The following DSP variants were observed in gnomAD, a reference collection of about 807,000 sequenced individuals.
DSP encodes the protein desmoplakin.
A neutral mutation model predicts 290.6 loss-of-function variants in DSP; 114 were observed. That is an observed-to-expected ratio of 0.39 (90% CI 0.34 to 0.46). DSP has a LOEUF of 0.46. Ranked by LOEUF, DSP falls within the 20% of genes least tolerant of loss-of-function variation. DSP has a pLI of 0.99. For synonymous variants in DSP, 1,311 were observed against 1,316.4 expected, an observed-to-expected ratio of 1.00 and a Z score of 0.09; for missense variants, 3,230 against 3,495.8, an observed-to-expected ratio of 0.92 and a Z score of 1.92.
In DSP at chr6:7,565,430, C is replaced by G. The variant is rs1168993346; in HGVS notation, c.849C>G (p.Ile283Met). The change falls in exon 7 of 24, where the codon ATC becomes ATG. Residue 283 changes from isoleucine to methionine, a missense_variant. Ile to Met is a conservative substitution (Grantham distance 10). This residue lies in a region of DSP where 646 missense variants were observed against 684.3 expected (regional missense o/e 0.94). Transcript: ENST00000379802. This position sits in a 1 kb window ranked among gnomAD's most constrained non-coding sequence, Gnocchi z 4.2. ...TCATTCAGGCCACGTCCAGGGAGAT[C>G]ATGTGGATCAATGACTGCGAGGAGG... ...QNIIQATSRE[I>M]MWINDCEEEE... 1 of 1,614,104 alleles carries G rather than the reference C, an allele frequency of 6.2e-7. No individual in the cohort carries two copies. The highest frequency in any genetic ancestry group is 8.5e-7 in the Non-Finnish European group (1 of 1,180,018).
At chr6:7,545,194 CTG>C (rs1282933113) in intron 1 of DSP, among the ~76,000 whole-genome samples, 6 of 152,160 alleles carry the variant, frequency 3.9e-5, no homozygotes, top group Non-Finnish European at 7.4e-5. Flanking sequence ...GATTTCAAAA[CTG>C]AGATACGTGT....
At chr6:7,571,651 A>G in intron 14 of DSP, 67 bp downstream of exon 14, 10 of 1,599,758 alleles carry the variant, frequency 6.3e-6, no homozygotes, top group Non-Finnish European at 8.6e-6. Context: ...GGGAGTTTGC[A>G]TAAAACTGGT....
At chr6:7,552,683 C>A (rs1403682475) in intron 1 of DSP, among the ~76,000 whole-genome samples, 1 of 134,242 alleles carries the variant, frequency 7.4e-6, no homozygotes. Context: ...TTTTTAAGTT[C>A]AAATATGGGT....
Position 7,566,501 on chromosome 6 carries a change from T to C in DSP, c.1044+20T>C. On this transcript the variant is annotated intron_variant, in intron 8 of 23. Transcript: ENST00000379802. The stretch of plus-strand genomic sequence containing the variant: ...ATTGAGGTAGGCTTCATGAGGTTTA[T>C]ATTTTTGTTAGAAAAAAAAAAACTT... 1.9e-6 allele frequency: 3 copies of C among 1,599,396 alleles called. No individual in the cohort carries two copies. Among genetic ancestry groups the C allele is most frequent in the Non-Finnish European group, 2.6e-6 (3 of 1,168,616 alleles).
At position 7,574,728 on chromosome 6, in the gene DSP, G is replaced by A. The variant is rs1343729760; in HGVS notation, c.2369G>A (p.Arg790Lys). The change falls in exon 17 of 24, where the codon AGG becomes AAG. Residue 790 changes from arginine to lysine, a missense_variant. Arg to Lys is a conservative substitution (Grantham distance 26, BLOSUM62 2). This residue lies in a region of DSP where 1,714 missense variants were observed against 1,844.5 expected (regional missense o/e 0.93). Coordinates refer to ENST00000379802, the MANE Select transcript of DSP (RefSeq NM_004415.4). ...GACATGTTAAAGGTTTATGAAGCCA[G>A]GCTCACTGAGGAGGAAACTGTCTGC... ...TEDMLKVYEA[R>K]LTEEETVCLD... 2 of 1,614,158 alleles carry A rather than the reference G, an allele frequency of 1.2e-6. No homozygotes were observed. Among genetic ancestry groups the A allele is most frequent in the East Asian group, 2.2e-5 (1 of 44,868 alleles).
At chr6:7,549,914 A>G (rs755641560) in intron 1 of DSP, among the ~76,000 whole-genome samples, 8 of 152,188 alleles carry the variant, frequency 5.3e-5, no homozygotes, top group Non-Finnish European at 7.3e-5. Context: ...AAACAAAGAG[A>G]GTAACTCTTC....
In DSP at chr6:7,567,857, A is replaced by G; in HGVS notation, c.1217A>G (p.Asp406Gly). Residue 406 changes from aspartate to glycine, a missense_variant, in exon 10 of 24, where the codon GAC becomes GGC. Transcript: ENST00000379802. Reference protein sequence around the residue: ...QDSIRKKYPCDKNMPLQHLLE... With the variant: ...QDSIRKKYPCGKNMPLQHLLE... The stretch of plus-strand genomic sequence containing the variant: ...TCCATCAGGAAGAAGTACCCCTGCG[A>G]CAAGAACATGCCCCTGCAGCACCTG... 6.2e-7 allele frequency: 1 copy of G among 1,614,116 alleles called. No homozygotes were observed. The highest frequency in any genetic ancestry group is 8.5e-7 in the Non-Finnish European group (1 of 1,179,990).
Position 7,571,456 on chromosome 6 carries a change from G to T in DSP, c.1775G>T (p.Arg592Ile), listed in dbSNP as rs1759048949. The change falls in exon 14 of 24, where the codon AGA becomes ATA. Residue 592 changes from arginine (R) to isoleucine (I), a missense_variant. This residue lies in a region of DSP where 81 missense variants were observed against 130.5 expected (regional missense o/e 0.62). Coordinates refer to ENST00000379802, the MANE Select transcript of DSP (RefSeq NM_004415.4). ...GAGTTACATTACCAAGAGTTCATCA[G>T]AAATAGCCAAGGCTCAGAGATGTTT... ...DLELHYQEFIRNSQGSEMFGD... is the reference protein window; with the variant it reads ...DLELHYQEFIINSQGSEMFGD... The T allele has an allele frequency of 6.2e-7, 1 of 1,614,170 alleles. No individual in the cohort carries two copies. Among genetic ancestry groups the T allele is most frequent in the Non-Finnish European group, 8.5e-7 (1 of 1,180,040 alleles).
At position 7,570,429 on chromosome 6, in the gene DSP, C is replaced by T. The variant is rs1759007586; in HGVS notation, c.1575-8C>T. ...GGCTCTAGCATGTTTTCCCTTTGTG[C>T]CTCTTAGGATTGAGCAGTACTACGA... is the stretch of plus-strand genomic sequence containing the variant. On this transcript the variant is annotated splice_region_variant and splice_polypyrimidine_tract_variant and intron_variant, in intron 12 of 23. Coordinates refer to ENST00000379802, the MANE Select transcript of DSP (RefSeq NM_004415.4). 1 of 1,613,992 alleles carries T rather than the reference C, an allele frequency of 6.2e-7. No homozygotes were observed. Among genetic ancestry groups the T allele is most frequent in the Non-Finnish European group, 8.5e-7 (1 of 1,180,030 alleles).
At chr6:7,550,106 C>T (rs1758291394) in intron 1 of DSP, among the ~76,000 whole-genome samples, 1 of 152,026 alleles carries the variant, frequency 6.6e-6, no homozygotes, top group Admixed American at 6.5e-5. Flanking sequence ...GGTGCAATCT[C>T]GGCTCACTGC....
chr6:7,572,943 G>A (rs764354518), intron 15 of DSP, among the ~76,000 whole-genome samples: 12 of 152,196 alleles, frequency 7.9e-5, no homozygotes, highest in African/African-American at 2.2e-4. Flanking sequence ...TCTAAACGTC[G>A]AAAAGATACA....
chr6:7,541,855 C>G lies in DSP; in HGVS notation c.-61C>G. 4 of 1,545,762 alleles carry G rather than the reference C, an allele frequency of 2.6e-6. No individual in the cohort carries two copies. Among genetic ancestry groups the G allele is most frequent in the Non-Finnish European group, 3.5e-6 (4 of 1,147,130 alleles). ...CTATCCTTGGCCCCCTCCGCTTTCT[C>G]CGCGCCGGCCCGCCTCGCTTATGCC... On this transcript the variant is annotated 5_prime_UTR_variant, in exon 1 of 24. Coordinates refer to ENST00000379802, the MANE Select transcript of DSP (RefSeq NM_004415.4).
Position 7,585,538 on chromosome 6 carries a change from G to A in DSP, c.8276G>A (p.Arg2759His), listed in dbSNP as rs936541705. 1.6e-5 allele frequency: 26 copies of A among 1,614,110 alleles called. No homozygotes were observed. The highest frequency in any genetic ancestry group is 2.0e-5 in the Non-Finnish European group (24 of 1,180,020). Residue 2759 changes from arginine to histidine, a missense_variant, in exon 24 of 24, where the codon CGC becomes CAC. By Grantham distance (29) the Arg-to-His change is conservative. Around this residue, in one of 5 missense-constraint regions of DSP, gnomAD observed 582 missense variants for 555.4 expected, o/e 1.05. Transcript: ENST00000379802. ...EAIRKGFIDG[R>H]AAQRLQDTSS... ...ATCCGGAAGGGGTTCATAGATGGCC[G>A]CGCCGCACAGAGGCTGCAAGACACC...
intron 1 of DSP, among the ~76,000 whole-genome samples, chr6:7,553,645 T>G (rs1393655777): frequency 1.3e-5 from 2 of 152,196 alleles, no homozygotes; most frequent in Non-Finnish European, 2.9e-5. Context: ...CTGCACAAGT[T>G]AGGACAACAA....
intron 2 of DSP, 46 bp downstream of exon 2, chr6:7,555,866 A>G: frequency 6.4e-7 from 1 of 1,566,400 alleles, no homozygotes; most frequent in Non-Finnish European, 8.7e-7. Context: ...CCTTGGCCAC[A>G]CCCGACTGTC....
At chr6:7,550,812 AAAG>A (rs1204668638) in intron 1 of DSP, among the ~76,000 whole-genome samples, 1 of 151,688 alleles carries the variant, frequency 6.6e-6, no homozygotes, top group Non-Finnish European at 1.5e-5. Context: ...TTTTTTTAAA[AAAG>A]CACATGACAT....
chr6:7,581,681 A>AT, intron 23 of DSP, 112 bp downstream of exon 23: 2 of 1,471,324 alleles, frequency 1.4e-6, no homozygotes, highest in Non-Finnish European at 1.8e-6. Context: ...AGAAAATCTA[A>AT]TTTTTCTTTT....
At chr6:7,542,376 T>C (rs1758021591) in intron 1 of DSP, among the ~76,000 whole-genome samples, 1 of 152,082 alleles carries the variant, frequency 6.6e-6, no homozygotes, top group Admixed American at 6.5e-5. Flanking sequence ...GTCCCCTGCC[T>C]GCTGGACACG....
rs780759932 is a variant in DSP, at chr6:7,541,901, C to T, written c.-15C>T. ...ATGCCTCGGCGCTGAGCCGCTCTCC[C>T]GATTGCCCGCCGACATGAGCTGCAA... On this transcript the variant is annotated 5_prime_UTR_variant, in exon 1 of 24. Coordinates refer to ENST00000379802, the MANE Select transcript of DSP (RefSeq NM_004415.4). 5 of 1,602,510 alleles carry T rather than the reference C, an allele frequency of 3.1e-6. No homozygotes were observed. Among genetic ancestry groups the T allele is most frequent in the Admixed American group, 3.4e-5 (2 of 58,844 alleles).
Sources: allele counts gnomAD v4.1 joint callset (sites outside exome capture counted in the v4.1 genomes callset), GRCh38; gene constraint gnomAD v4.1.1; regional missense constraint gnomAD v4.1.1; non-coding constraint Gnocchi (gnomAD v3.1); transcripts MANE v1.5; gene names NCBI Gene and HGNC (gene_info 2026-07-23, HGNC 2026-07-21).